The following PTPRO variants were observed in gnomAD, a reference collection of about 807,000 sequenced individuals.
PTPRO encodes the protein protein tyrosine phosphatase receptor type O.
In PTPRO, 62 loss-of-function variants were observed where a neutral mutation model predicts 145.2. That is an observed-to-expected ratio of 0.43 (90% CI 0.35 to 0.53). The LOEUF (loss-of-function observed/expected upper bound fraction) is 0.53. Among genes scored for constraint, PTPRO ranks in the 20% least tolerant of loss-of-function variants. The probability of loss-of-function intolerance (pLI) is 0.01; values close to 1 mark genes in which losing one functional copy is unlikely to be tolerated. For missense variants in PTPRO, 1,345 were observed against 1,482.7 expected (o/e 0.91, Z 1.53); for synonymous variants, 565 against 514.7 (o/e 1.10, Z -1.32).
intron 8 of PTPRO, among the ~76,000 whole-genome samples, chr12:15,516,411 G>A (rs181274241): frequency 4.1e-5 from 6 of 147,174 alleles, no homozygotes; most frequent in Admixed American, 6.9e-5. Context: ...AAGAAAGAAA[G>A]AGAGAAAGGA....
In PTPRO at chr12:15,520,298, T is replaced by C. The variant is rs1442387784; in HGVS notation, c.1877T>C (p.Ile626Thr). 6.2e-7 allele frequency: 1 copy of C among 1,611,802 alleles called. No individual in the cohort carries two copies. Among genetic ancestry groups the C allele is most frequent in the Non-Finnish European group, 8.5e-7 (1 of 1,178,226 alleles). The change falls in exon 10 of 27, where the codon ATC (isoleucine) becomes ACC (threonine). Residue 626 changes from isoleucine (I) to threonine (T), a missense_variant. Transcript: ENST00000281171. ...PELSCCDSST[I>T]SFITAPVAPE... ...TTGAGCTGCTGTGACAGCTCTACCA[T>C]CAGCTTCATAACAGGTGAGGCATGT...
intron 18 of PTPRO, among the ~76,000 whole-genome samples, chr12:15,567,487 CT>C (rs1943930849): frequency 1.3e-5 from 2 of 151,998 alleles, no homozygotes; most frequent in South Asian, 4.1e-4. Context: ...GTCCATTCTT[CT>C]GTTTGCTATT....
intron 1 of PTPRO, among the ~76,000 whole-genome samples, chr12:15,472,128 T>C (rs79509445): frequency 0.022 from 3,421 of 152,272 alleles, 146 homozygotes; most frequent in African/African-American, 0.077. Flanking sequence ...CACAGCAGAA[T>C]TTTAATAAGT....
At chr12:15,401,429 T>C (rs1444252375) in intron 1 of PTPRO, among the ~76,000 whole-genome samples, 1 of 152,176 alleles carries the variant, frequency 6.6e-6, no homozygotes, top group Non-Finnish European at 1.5e-5. Context: ...CAATGAACAG[T>C]AGTTGTGATA....
chr12:15,425,541 A>T (rs900101217), intron 1 of PTPRO, among the ~76,000 whole-genome samples: 1 of 152,148 alleles, frequency 6.6e-6, no homozygotes, highest in African/African-American at 2.4e-5. Context: ...CCCAGCTCAG[A>T]TTATAAAATA....
intron 15 of PTPRO, among the ~76,000 whole-genome samples, chr12:15,554,331 G>T (rs1366642096): frequency 6.6e-6 from 1 of 151,958 alleles, no homozygotes; most frequent in African/African-American, 2.4e-5. Flanking sequence ...ATTAGTCAGA[G>T]TTCTCTAGAG....
intron 1 of PTPRO, among the ~76,000 whole-genome samples, chr12:15,371,295 C>T (rs1161919388): frequency 6.6e-6 from 1 of 151,050 alleles, no homozygotes; most frequent in Admixed American, 6.6e-5. Flanking sequence ...TGCAGTGGTG[C>T]AATCTCGGCT....
intron 1 of PTPRO, among the ~76,000 whole-genome samples, chr12:15,421,929 C>A (rs937851527): frequency 4.0e-5 from 6 of 151,756 alleles, no homozygotes; most frequent in African/African-American, 7.3e-5. Flanking sequence ...GCATGACATG[C>A]TTAGAACAAT....
In PTPRO at chr12:15,508,623, T is replaced by C. The variant is rs1414379834; in HGVS notation, c.1320T>C (p.Ser440=). 5.0e-6 allele frequency: 8 copies of C among 1,613,774 alleles called. No homozygotes were observed. The highest frequency in any genetic ancestry group is 6.8e-6 in the Non-Finnish European group (8 of 1,179,920). ...EELTEKPQHV[S]VHVLSSTTAL... is the part of the protein sequence containing the mutation. ...TGACCGAGAAGCCGCAGCACGTGAG[T>C]GTCCACGTTTTAAGCTCAACCACTG... The change falls in exon 7 of 27, where the codon AGT becomes AGC. Residue 440 remains serine (S), a synonymous_variant. Transcript: ENST00000281171.
At chr12:15,491,207 T>C (rs963394203) in intron 2 of PTPRO, among the ~76,000 whole-genome samples, 4 of 152,144 alleles carry the variant, frequency 2.6e-5, no homozygotes, top group African/African-American at 9.7e-5. Flanking sequence ...TAATCCCAGA[T>C]CCTCTCCCTC....
chr12:15,472,849 G>A (rs1941572418), intron 1 of PTPRO, among the ~76,000 whole-genome samples: 1 of 152,126 alleles, frequency 6.6e-6, no homozygotes, highest in South Asian at 2.1e-4. Context: ...TATCTTCATG[G>A]GGCAGAAATT....
intron 15 of PTPRO, among the ~76,000 whole-genome samples, chr12:15,552,115 C>T (rs754241690): frequency 7.2e-5 from 11 of 151,944 alleles, no homozygotes; most frequent in Non-Finnish European, 1.5e-4. Flanking sequence ...AATATTTGTA[C>T]AGTTTATGAT....
At chr12:15,548,742 G>C (rs1051386262) in intron 13 of PTPRO, among the ~76,000 whole-genome samples, 1 of 152,080 alleles carries the variant, frequency 6.6e-6, no homozygotes, top group African/African-American at 2.4e-5. Context: ...AATCTGTACT[G>C]ATATGGAAAA....
chr12:15,353,043 A>G lies in PTPRO; in HGVS notation c.75+30242A>G, dbSNP rs146445862. ...AATTGTTGAAGAAATTGCCTTCAGC[A>G]GGGACTGATTTCTTGCATCATTACC... is the stretch of plus-strand genomic sequence containing the variant. On this transcript the variant is annotated intron_variant, in intron 1 of 26. Coordinates refer to ENST00000281171, the MANE Select transcript of PTPRO (RefSeq NM_030667.3). 3.0e-4 allele frequency among the ~76,000 whole-genome samples: 45 copies of G among 152,330 alleles called. 1 individual carries two copies. In the East Asian group the frequency reaches 8.7e-3, roughly 29 times the overall value.
chr12:15,574,822 G>A (rs1407640483), intron 19 of PTPRO, among the ~76,000 whole-genome samples: 1 of 152,138 alleles, frequency 6.6e-6, no homozygotes, highest in Non-Finnish European at 1.5e-5. Context: ...TGGGTTTCAA[G>A]ACATAATGTC....
rs528272893 is a variant in PTPRO at position 15,341,677 on chromosome 12, G to A, written c.75+18876G>A. ...GTTCCATCACTTGAAACAAAGTGCT[G>A]GCTGGGAAGAATTCTTGAATGTGCA... is the stretch of plus-strand genomic sequence containing the variant. On this transcript the variant is annotated intron_variant, in intron 1 of 26. Coordinates refer to ENST00000281171, the MANE Select transcript of PTPRO (RefSeq NM_030667.3). Among the ~76,000 whole-genome samples, 47 of 152,276 alleles carry A rather than the reference G, an allele frequency of 3.1e-4. 1 individual carries two copies. The South Asian group carries it at 9.6e-3, about 31-fold the overall frequency.
intron 1 of PTPRO, among the ~76,000 whole-genome samples, chr12:15,405,629 A>C (rs1005821525): frequency 6.6e-6 from 1 of 152,186 alleles, no homozygotes; most frequent in Non-Finnish European, 1.5e-5. Flanking sequence ...TTTGCACAAA[A>C]AATTTTAAGT....
chr12:15,472,110 A>C (rs1175169725), intron 1 of PTPRO, among the ~76,000 whole-genome samples: 1 of 152,204 alleles, frequency 6.6e-6, no homozygotes. Context: ...CCTAGGTGGT[A>C]ACCTGAGCAC....
At chr12:15,553,163 C>A (rs147399427) in intron 15 of PTPRO, among the ~76,000 whole-genome samples, 8 of 151,982 alleles carry the variant, frequency 5.3e-5, no homozygotes, top group African/African-American at 1.9e-4. Context: ...AAACTTCATG[C>A]GTTCATATTA....
Sources: gnomAD v4.1 joint callset for allele counts (sites outside exome capture counted in the v4.1 genomes callset) on GRCh38, gnomAD v4.1.1 for gene constraint, MANE v1.5 for transcripts, NCBI Gene and HGNC (gene_info 2026-07-23, HGNC 2026-07-21) for gene names.